The following CTDP1 variants were observed in gnomAD, a reference collection of about 807,000 sequenced individuals.
CTDP1 encodes CTD phosphatase 1, also known as RNA polymerase II subunit A C-terminal domain phosphatase.
In CTDP1, 47 loss-of-function variants were observed where a neutral mutation model predicts 91.8. The ratio of observed to expected loss-of-function variants is 0.51; its 90% CI spans 0.41 to 0.65. The LOEUF (loss-of-function observed/expected upper bound fraction) is 0.65, where lower values mean the gene tolerates loss of function less well. Ranked by LOEUF, CTDP1 falls within the 30% of genes least tolerant of loss-of-function variation. CTDP1 has a pLI of 0.00. For missense variants in CTDP1, 1,272 were observed against 1,373.7 expected (o/e 0.93, Z 1.17); for synonymous variants, 656 against 598.5 (o/e 1.10, Z -1.40).
chr18:79,740,585 T>A (rs971996590), intron 12 of CTDP1, among the ~76,000 whole-genome samples: 2 of 152,258 alleles, frequency 1.3e-5, no homozygotes, highest in Non-Finnish European at 2.9e-5. Flanking sequence ...GCAATGCGTT[T>A]CGTACAGAAG....
At chr18:79,717,297 G>A (rs1387477139) in intron 8 of CTDP1, among the ~76,000 whole-genome samples, 2 of 148,532 alleles carry the variant, frequency 1.3e-5, no homozygotes, top group Non-Finnish European at 3.0e-5. Context: ...AGGTGCAGCC[G>A]AGTGAGGGCC....
At chr18:79,693,301 C>T (rs1024986872) in intron 1 of CTDP1, among the ~76,000 whole-genome samples, 5 of 152,002 alleles carry the variant, frequency 3.3e-5, no homozygotes, top group Non-Finnish European at 7.4e-5. Context: ...GGTTAAGTCT[C>T]TGCTCATTGG....
intron 4 of CTDP1, among the ~76,000 whole-genome samples, chr18:79,699,354 G>A (rs1365499233): frequency 4.6e-5 from 7 of 152,192 alleles, no homozygotes; most frequent in Admixed American, 6.5e-5. Context: ...TCTACCTCCC[G>A]AGTTCACGCC....
At chr18:79,714,452 C>T (rs2086151059) in intron 7 of CTDP1, 39 bp from the exon 8 acceptor site, 1 of 1,603,858 alleles carries the variant, frequency 6.2e-7, no homozygotes. Flanking sequence ...ATGTTTAATG[C>T]TAAATTGCGG....
At chr18:79,734,709 G>A (rs2086632531) in intron 11 of CTDP1, among the ~76,000 whole-genome samples, 1 of 152,254 alleles carries the variant, frequency 6.6e-6, no homozygotes, top group Non-Finnish European at 1.5e-5. Flanking sequence ...AAGGTATGAT[G>A]CCGTGTTAAA....
intron 8 of CTDP1, 124 bp from the exon 9 acceptor site, chr18:79,717,411 C>A: frequency 7.2e-7 from 1 of 1,393,286 alleles, no homozygotes; most frequent in East Asian, 2.4e-5. Context: ...GGGATGCAGC[C>A]GAGTGAGGGC....
intron 12 of CTDP1, among the ~76,000 whole-genome samples, chr18:79,746,869 A>G (rs542067305): frequency 6.6e-6 from 1 of 152,256 alleles, no homozygotes; most frequent in South Asian, 2.1e-4. Flanking sequence ...GCCTCCAGCG[A>G]TCCTCCCGCC....
Position 79,682,958 on chromosome 18 carries a change from G to C in CTDP1, c.314+2697G>C, listed in dbSNP as rs546644257. The C allele has an allele frequency of 3.3e-5, 5 of 152,376 alleles. No homozygotes were observed. In the South Asian group the frequency reaches 8.3e-4, roughly 25 times the overall value. 9.4% of individuals were successfully genotyped at this position (152,376 alleles called of 1,614,324 possible). On this transcript the variant is annotated intron_variant, in intron 1 of 12. Transcript: ENST00000613122. Reference sequence around the variant, plus strand: ...TGAAGAGCATCTGCCTTCCTCTAGAGAGCCTGAGTCACTTTCACTTAAAAG... The same window carrying C: ...TGAAGAGCATCTGCCTTCCTCTAGACAGCCTGAGTCACTTTCACTTAAAAG...
chr18:79,727,347 GCGGGATGGGAAGCGTGGCGTTCA>G (rs1568206486), intron 10 of CTDP1, among the ~76,000 whole-genome samples: 1 of 152,184 alleles, frequency 6.6e-6, no homozygotes. Flanking sequence ...CGCGGTGTTC[GCGGGATGGGAAGCGTGGCGTTCA>G]CGGGATGGAA....
chr18:79,732,062 G>A (rs114076208), intron 11 of CTDP1, among the ~76,000 whole-genome samples: 5 of 143,508 alleles, frequency 3.5e-5, no homozygotes, highest in East Asian at 2.1e-4. Context: ...ATGAGAACTC[G>A]CTAACATCAG....
At chr18:79,716,146 C>T (rs554958380) in intron 8 of CTDP1, among the ~76,000 whole-genome samples, 248 of 152,318 alleles carry the variant, frequency 1.6e-3, no homozygotes, top group Non-Finnish European at 2.4e-3. Context: ...TGTGAAAATG[C>T]TCCCATAAGC....
intron 10 of CTDP1, among the ~76,000 whole-genome samples, chr18:79,727,349 G>A (rs1381441006): frequency 1.3e-5 from 2 of 152,194 alleles, no homozygotes; most frequent in Admixed American, 1.3e-4. Context: ...CGGTGTTCGC[G>A]GGATGGGAAG....
At chr18:79,733,807 A>C (rs1390655816) in intron 11 of CTDP1, among the ~76,000 whole-genome samples, 1 of 152,182 alleles carries the variant, frequency 6.6e-6, no homozygotes, top group Non-Finnish European at 1.5e-5. Context: ...AGGGTCGTGC[A>C]AGGAGGTTGG....
At position 79,683,633 on chromosome 18, in the gene CTDP1, G is replaced by A. The variant is rs563066155; in HGVS notation, c.314+3372G>A. ...TTCAGGGCGGCTGCCTGAGGAATGC[G>A]CAGGCGATCTGACGTTGGAATTCTG... On this transcript the variant is annotated intron_variant, in intron 1 of 12. Transcript: ENST00000613122. Among the ~76,000 whole-genome samples, 4 of 152,360 alleles carry A rather than the reference G, an allele frequency of 2.6e-5. No individual in the cohort carries two copies. The East Asian group carries it at 5.8e-4, about 22-fold the overall frequency.
At chr18:79,717,760 CT>C (rs747668847) in intron 9 of CTDP1, 49 bp from the exon 10 acceptor site, 1 of 1,613,702 alleles carries the variant, frequency 6.2e-7, no homozygotes, top group African/African-American at 1.3e-5. Flanking sequence ...GGCAGTGCCC[CT>C]CATCACCCGG....
chr18:79,723,614 T>C (rs1301654227), intron 10 of CTDP1, among the ~76,000 whole-genome samples: 8 of 152,194 alleles, frequency 5.3e-5, no homozygotes, highest in African/African-American at 1.7e-4. Flanking sequence ...TGTAGATATA[T>C]ATGCAGTGAT....
At chr18:79,740,357 G>GT (rs1216209201) in intron 12 of CTDP1, among the ~76,000 whole-genome samples, 1 of 152,204 alleles carries the variant, frequency 6.6e-6, no homozygotes, top group African/African-American at 2.4e-5. Flanking sequence ...GTCCAGCTGG[G>GT]TTTTTGTGAC....
At chr18:79,703,377 G>T (rs1391405905) in intron 4 of CTDP1, among the ~76,000 whole-genome samples, 1 of 152,112 alleles carries the variant, frequency 6.6e-6, no homozygotes, top group African/African-American at 2.4e-5. Context: ...AAAATAACAG[G>T]ATTTAAAGGA....
At position 79,717,549 on chromosome 18, in the gene CTDP1, C is replaced by G. The variant is rs770079179; in HGVS notation, c.2083C>G (p.Leu695Val). ...IAARAGTEKVLQAQECGHLHV... is the reference protein window; with the variant it reads ...IAARAGTEKVVQAQECGHLHV... ...GTCTCCTGCAGGCACAGAGAAGGTG[C>G]TGCAGGCACAGGAGTGCGGACACCT... Residue 695 changes from leucine to valine, a missense_variant, in exon 9 of 13, where the codon CTG becomes GTG. Physicochemically the swap from Leu to Val is conservative, Grantham distance 32 (BLOSUM62 1). Coordinates refer to ENST00000613122, the MANE Select transcript of CTDP1 (RefSeq NM_004715.5). The G allele has an allele frequency of 6.8e-6, 11 of 1,613,406 alleles. No individual in the cohort carries two copies. Among genetic ancestry groups the G allele is most frequent in the Non-Finnish European group, 9.3e-6 (11 of 1,179,922 alleles).
Sources: allele counts gnomAD v4.1 joint callset (sites outside exome capture counted in the v4.1 genomes callset), GRCh38; gene constraint gnomAD v4.1.1; transcripts MANE v1.5; gene names NCBI Gene and HGNC (gene_info 2026-07-23, HGNC 2026-07-21).